IQSEC1: variants seen among roughly 807,000 people sequenced by gnomAD.
IQSEC1 encodes IQ motif and SEC7 domain-containing protein 1.
IQSEC1 carries 31 observed loss-of-function variants against 91.0 expected under a neutral mutation model. The ratio of observed to expected loss-of-function variants is 0.34; its 90% CI spans 0.26 to 0.46. The LOEUF (loss-of-function observed/expected upper bound fraction) is 0.46. IQSEC1 is among the 20% of genes least tolerant of loss of function. The pLI is 1.00. For synonymous variants in IQSEC1, 699 were observed against 662.6 expected, an observed-to-expected ratio of 1.05 and a Z score of -0.84; for missense variants, 1,388 against 1,575.6, an observed-to-expected ratio of 0.88 and a Z score of 2.02.
intron 1 of IQSEC1, among the ~76,000 whole-genome samples, chr3:13,256,541 T>G (rs1249277698): frequency 3.3e-5 from 5 of 152,176 alleles, no homozygotes; most frequent in Non-Finnish European, 7.4e-5. Flanking sequence ...AGCCCAGTGA[T>G]TTGCCCAGGG....
intron 1 of IQSEC1, among the ~76,000 whole-genome samples, chr3:12,998,973 G>A (rs1208406173): frequency 6.6e-6 from 1 of 151,780 alleles, no homozygotes; most frequent in African/African-American, 2.4e-5. Flanking sequence ...CCTGGGGGAT[G>A]GAGTGGAAAG....
intron 3 of IQSEC1, among the ~76,000 whole-genome samples, chr3:12,926,116 G>A (rs1297284331): frequency 6.6e-6 from 1 of 152,134 alleles, no homozygotes; most frequent in Non-Finnish European, 1.5e-5. Context: ...TTCCAGACCA[G>A]CCTGGACAAC....
In IQSEC1 at chr3:12,898,694, A is replaced by G. The variant is rs1475869963; in HGVS notation, c.*2289T>C. On this transcript the variant is annotated 3_prime_UTR_variant, in exon 14 of 14. Coordinates refer to ENST00000613206, the MANE Select transcript of IQSEC1 (RefSeq NM_001134382.3). ...TCTCCTCCCAGCACAGAAGAGGGTGAGAAAAGCTGACATACTCAATATGTA... is the reference window on the plus strand; with the variant it reads ...TCTCCTCCCAGCACAGAAGAGGGTGGGAAAAGCTGACATACTCAATATGTA... 6.6e-6 allele frequency: 1 copy of G among 152,330 alleles called. No individual in the cohort carries two copies. Among genetic ancestry groups the G allele is most frequent in the African/African-American group, 2.4e-5 (1 of 41,476 alleles). The allele number at this position is 152,330 out of a possible 1,614,324, so 9.4% of individuals were successfully genotyped here.
chr3:13,031,482 G>C (rs928431462), intron 1 of IQSEC1, among the ~76,000 whole-genome samples: 14 of 152,234 alleles, frequency 9.2e-5, no homozygotes, highest in African/African-American at 3.4e-4. Flanking sequence ...GGGCAAGACA[G>C]TGTCCCAGGT....
At chr3:12,933,417 G>A (rs777279904) in intron 3 of IQSEC1, among the ~76,000 whole-genome samples, 3 of 152,204 alleles carry the variant, frequency 2.0e-5, no homozygotes, top group Non-Finnish European at 2.9e-5. Context: ...AGAGCCCAGC[G>A]ATACCCTCAT....
At chr3:12,949,812 G>A (rs1455489086) in intron 1 of IQSEC1, among the ~76,000 whole-genome samples, 1 of 152,222 alleles carries the variant, frequency 6.6e-6, no homozygotes, top group African/African-American at 2.4e-5. Flanking sequence ...GGATGGCACA[G>A]CTGGAGAGAG....
chr3:13,091,402 G>A (rs1206647519), intron 2 of IQSEC1, among the ~76,000 whole-genome samples: 3 of 152,264 alleles, frequency 2.0e-5, no homozygotes, highest in Non-Finnish European at 2.9e-5. Context: ...CCGAATGAAT[G>A]AGGGAGTTTG....
At chr3:13,251,832 T>C (rs557770815) in intron 1 of IQSEC1, among the ~76,000 whole-genome samples, 1 of 152,318 alleles carries the variant, frequency 6.6e-6, no homozygotes, top group East Asian at 1.9e-4. Flanking sequence ...CACATACCCA[T>C]GCCAGAATTA....
chr3:12,981,663 A>C (rs1701469501), intron 1 of IQSEC1, among the ~76,000 whole-genome samples: 1 of 152,236 alleles, frequency 6.6e-6, no homozygotes, highest in African/African-American at 2.4e-5. Context: ...TTTATCATAA[A>C]GAATTGTGAA....
rs537479827 is a variant in IQSEC1, at chr3:13,152,403, A to G, written c.302+11701T>C. ...CTTTAAATGAATGTTTAGAAATATT[A>G]ATACACTATTTTCAAATAATAGCTG... On this transcript the variant is annotated intron_variant, in intron 2 of 15. Transcript: ENST00000648114. Among the ~76,000 whole-genome samples the G allele has an allele frequency of 5.1e-4, 77 of 152,382 alleles. 1 individual carries two copies. The highest frequency in any genetic ancestry group is 1.8e-3 in the African/African-American group (76 of 41,588).
At chr3:13,063,747 A>T (rs1197557436) in intron 1 of IQSEC1, among the ~76,000 whole-genome samples, 4 of 152,172 alleles carry the variant, frequency 2.6e-5, no homozygotes, top group Non-Finnish European at 5.9e-5. Context: ...TTCTGGGGTG[A>T]GGGGCCGGCC....
At chr3:13,185,722 GAGATGGCATT>G (rs1693919714) in intron 1 of IQSEC1, among the ~76,000 whole-genome samples, 1 of 152,242 alleles carries the variant, frequency 6.6e-6, no homozygotes, top group Admixed American at 6.5e-5. Flanking sequence ...CAGGATAGCA[GAGATGGCATT>G]AGATCCAAAT....
In IQSEC1 at chr3:13,103,616, A is replaced by G. The variant is rs556295623; in HGVS notation, c.303-56094T>C. On this transcript the variant is annotated intron_variant, in intron 2 of 15. Transcript: ENST00000648114. The surrounding 1 kb of genome is among the most constrained non-coding windows in gnomAD (Gnocchi z 4.1). Reference sequence around the variant, plus strand: ...AGCCGAGTGTGCCATTGGGGTGGGCAATTTGCAGGATGAGCTTCACATGCA... The same window carrying G: ...AGCCGAGTGTGCCATTGGGGTGGGCGATTTGCAGGATGAGCTTCACATGCA... Among the ~76,000 whole-genome samples the G allele has an allele frequency of 7.4e-4, 113 of 152,200 alleles. No homozygotes were observed. The highest frequency in any genetic ancestry group is 1.3e-3 in the Non-Finnish European group (91 of 68,012).
chr3:13,023,193 A>G (rs948541771), intron 1 of IQSEC1, among the ~76,000 whole-genome samples: 10 of 152,008 alleles, frequency 6.6e-5, no homozygotes, highest in Middle Eastern at 3.2e-3. Flanking sequence ...CTCTGTAGGG[A>G]TGGAGTGGGG....
chr3:13,086,105 GAC>G (rs1263769445), intron 2 of IQSEC1, among the ~76,000 whole-genome samples: 1 of 152,208 alleles, frequency 6.6e-6, no homozygotes, highest in Non-Finnish European at 1.5e-5. Flanking sequence ...GGCAGCTGAG[GAC>G]ACAGCAGGCA....
intron 12 of IQSEC1, among the ~76,000 whole-genome samples, chr3:12,904,488 C>T (rs1252653622): frequency 6.6e-6 from 1 of 152,206 alleles, no homozygotes; most frequent in Non-Finnish European, 1.5e-5. Flanking sequence ...ATTTTTCAGC[C>T]AGTGTGGGAA....
At chr3:13,168,468 C>T (rs1693539333) in intron 1 of IQSEC1, among the ~76,000 whole-genome samples, 1 of 152,194 alleles carries the variant, frequency 6.6e-6, no homozygotes, top group South Asian at 2.1e-4. Flanking sequence ...GGGGCCTCAT[C>T]CATGAGGCCT....
intron 2 of IQSEC1, among the ~76,000 whole-genome samples, chr3:13,143,475 G>A (rs1249089814): frequency 1.3e-5 from 2 of 152,220 alleles, no homozygotes; most frequent in African/African-American, 2.4e-5. Flanking sequence ...GCAGAGCCTT[G>A]GCCCTGAACC....
At chr3:13,024,357 A>C (rs360852) in intron 1 of IQSEC1, among the ~76,000 whole-genome samples, 140,092 of 151,210 alleles carry the variant, frequency 0.93, 65,064 homozygotes, top group African/African-American at 0.98. Flanking sequence ...ACCCGCACAT[A>C]CACCCATCCA....
Sources: allele counts gnomAD v4.1 joint callset (sites outside exome capture counted in the v4.1 genomes callset), GRCh38; gene constraint gnomAD v4.1.1; non-coding constraint Gnocchi (gnomAD v3.1); transcripts MANE v1.5; gene names NCBI Gene and HGNC (gene_info 2026-07-23, HGNC 2026-07-21).